MACROD2: variants seen among roughly 807,000 people sequenced by gnomAD.
The protein encoded by MACROD2 is ADP-ribose glycohydrolase MACROD2.
In MACROD2, 36 loss-of-function variants were observed where a neutral mutation model predicts 70.4. The ratio of observed to expected loss-of-function variants is 0.51; its 90% CI spans 0.39 to 0.68. The LOEUF is 0.68. Among genes scored for constraint, MACROD2 ranks in the 30% least tolerant of loss-of-function variants. MACROD2 has a pLI of 0.00. For missense variants in MACROD2, 496 were observed against 538.4 expected (o/e 0.92, Z 0.78); for synonymous variants, 172 against 178.8 (o/e 0.96, Z 0.30).
intron 3 of MACROD2, among the ~76,000 whole-genome samples, chr20:14,415,578 G>T (rs978856175): frequency 5.3e-5 from 8 of 152,158 alleles, no homozygotes; most frequent in African/African-American, 1.9e-4. Flanking sequence ...AGAAGAGAGG[G>T]AAGCTTGCTG....
chr20:14,758,067 G>A (rs374034717), intron 5 of MACROD2: 11 of 573,068 alleles, frequency 1.9e-5, no homozygotes, highest in Admixed American at 8.1e-5. Context: ...ATTTGGAGAG[G>A]GTTATTTTGC....
chr20:15,773,300 A>AT (rs928448927), intron 8 of MACROD2, among the ~76,000 whole-genome samples: 15 of 151,734 alleles, frequency 9.9e-5, no homozygotes, highest in Non-Finnish European at 1.8e-4. Flanking sequence ...AGGGAGTGCT[A>AT]TTTTTTTTAA....
chr20:14,189,367 A>G (rs539939863), intron 3 of MACROD2, among the ~76,000 whole-genome samples: 3 of 152,302 alleles, frequency 2.0e-5, no homozygotes, highest in Middle Eastern at 3.4e-3. Context: ...TGCTTTTTCA[A>G]AAGACTTTTA....
intron 6 of MACROD2, among the ~76,000 whole-genome samples, chr20:15,334,358 A>T (rs2078025731): frequency 6.6e-6 from 1 of 151,498 alleles, no homozygotes; most frequent in Non-Finnish European, 1.5e-5. Context: ...TTTATTTTTG[A>T]CCTCTTCACT....
intron 5 of MACROD2, among the ~76,000 whole-genome samples, chr20:14,931,015 T>A (rs6034066): frequency 0.14 from 21,969 of 151,950 alleles, 1,748 homozygotes; most frequent in South Asian, 0.19. Context: ...TATATTTTTT[T>A]AATGTATGGA....
intron 6 of MACROD2, among the ~76,000 whole-genome samples, chr20:15,341,489 T>C (rs1188377420): frequency 2.0e-5 from 3 of 152,228 alleles, no homozygotes; most frequent in African/African-American, 7.2e-5. Flanking sequence ...GAATTCTATA[T>C]ACTTGGGCTT....
At chr20:15,177,329 TG>T (rs2076469930) in intron 5 of MACROD2, among the ~76,000 whole-genome samples, 1 of 152,246 alleles carries the variant, frequency 6.6e-6, no homozygotes, top group African/African-American at 2.4e-5. Context: ...GAATACGCAC[TG>T]GTCCAAACAG....
intron 8 of MACROD2, among the ~76,000 whole-genome samples, chr20:15,592,359 TAAGAG>T (rs1227637838): frequency 6.6e-6 from 1 of 152,244 alleles, no homozygotes; most frequent in Non-Finnish European, 1.5e-5. Context: ...CTATTTCAGA[TAAGAG>T]AAGAGCATTG....
At chr20:14,163,907 T>G (rs894323044) in intron 3 of MACROD2, among the ~76,000 whole-genome samples, 3 of 151,962 alleles carry the variant, frequency 2.0e-5, no homozygotes, top group Non-Finnish European at 4.4e-5. Flanking sequence ...CTGAGTTTCT[T>G]TAGTATACAT....
intron 13 of MACROD2, among the ~76,000 whole-genome samples, chr20:15,977,858 T>G (rs2066331932): frequency 6.6e-6 from 1 of 152,146 alleles, no homozygotes. Context: ...AATAAAGACA[T>G]TTCCAGGCAA....
intron 4 of MACROD2, among the ~76,000 whole-genome samples, chr20:14,496,631 G>A (rs570719066): frequency 6.6e-6 from 1 of 152,244 alleles, no homozygotes; most frequent in Admixed American, 6.5e-5. Flanking sequence ...ATTGTAGTGA[G>A]CATAGGTGAT....
intron 3 of MACROD2, among the ~76,000 whole-genome samples, chr20:14,434,938 A>T (rs2084039344): frequency 6.6e-6 from 1 of 152,186 alleles, no homozygotes; most frequent in East Asian, 1.9e-4. Flanking sequence ...TTCTCAGTGA[A>T]TCAGCTACAG....
At chr20:14,452,604 G>C (rs2084257180) in intron 3 of MACROD2, among the ~76,000 whole-genome samples, 1 of 152,080 alleles carries the variant, frequency 6.6e-6, no homozygotes, top group Non-Finnish European at 1.5e-5. Context: ...GATGAAGTCG[G>C]GTCTGAGAAC....
intron 5 of MACROD2, among the ~76,000 whole-genome samples, chr20:15,129,768 A>C (rs1054617257): frequency 1.3e-5 from 2 of 152,116 alleles, no homozygotes; most frequent in Non-Finnish European, 2.9e-5. Context: ...TCCAGAAGGC[A>C]GAATGGGCTT....
intron 5 of MACROD2, among the ~76,000 whole-genome samples, chr20:15,200,944 T>G (rs175254): frequency 0.64 from 96,950 of 151,894 alleles, 32,331 homozygotes; most frequent in African/African-American, 0.82. Flanking sequence ...AGTACATAAA[T>G]AATTCACTAG....
At chr20:15,993,117 A>G (rs1261178584) in intron 15 of MACROD2, among the ~76,000 whole-genome samples, 1 of 152,196 alleles carries the variant, frequency 6.6e-6, no homozygotes, top group African/African-American at 2.4e-5. Context: ...TCAGAAAGAT[A>G]AAATTATGGC....
intron 4 of MACROD2, among the ~76,000 whole-genome samples, chr20:14,526,451 C>T (rs1296657451): frequency 4.6e-5 from 7 of 152,022 alleles, no homozygotes; most frequent in East Asian, 1.9e-4. Flanking sequence ...ATTTACATTC[C>T]GCTCATTCAC....
chr20:16,045,828 C>T (rs531522555), intron 17 of MACROD2, among the ~76,000 whole-genome samples: 24 of 152,082 alleles, frequency 1.6e-4, no homozygotes, highest in African/African-American at 5.1e-4. Context: ...ACGGGGGCAG[C>T]GGGGAGCAAA....
intron 10 of MACROD2, among the ~76,000 whole-genome samples, chr20:15,927,906 A>T (rs1347891170): frequency 1.3e-5 from 2 of 152,082 alleles, no homozygotes; most frequent in Non-Finnish European, 2.9e-5. Flanking sequence ...CATTGGAGAG[A>T]GGATGGTGCT....
Sources: gnomAD v4.1 joint callset for allele counts (sites outside exome capture counted in the v4.1 genomes callset) on GRCh38, gnomAD v4.1.1 for gene constraint, MANE v1.5 for transcripts, NCBI Gene and HGNC (gene_info 2026-07-23, HGNC 2026-07-21) for gene names.